The following RP1 variants were observed in gnomAD, a reference collection of about 807,000 sequenced individuals.
The protein encoded by RP1 is oxygen-regulated protein 1.
RP1 carries 16 observed loss-of-function variants against 14.8 expected under a neutral mutation model. That is an observed-to-expected ratio of 1.08 (90% confidence interval 0.73 to 1.65). The LOEUF (loss-of-function observed/expected upper bound fraction) is 1.65, where lower values mean the gene tolerates loss of function less well. RP1 is among the 40% of genes most tolerant of loss of function. RP1 has a pLI of 0.00. For missense variants in RP1, 2,631 were observed against 2,535.0 expected (o/e 1.04, Z -0.81); for synonymous variants, 876 against 883.6 (o/e 0.99, Z 0.15).
At chr8:54,653,087 A>G (rs1053169274) in intron 5 of RP1, among the ~76,000 whole-genome samples, 5 of 152,216 alleles carry the variant, frequency 3.3e-5, no homozygotes, top group African/African-American at 1.2e-4. Flanking sequence ...TTTGCAAAGA[A>G]AAAAACGCCT....
intron 22 of RP1, among the ~76,000 whole-genome samples, chr8:54,764,787 G>T (rs1809721384): frequency 6.6e-6 from 1 of 151,942 alleles, no homozygotes; most frequent in Admixed American, 6.6e-5. Flanking sequence ...AATTTAAAAG[G>T]TTTAATTGTA....
At chr8:54,631,661 C>T (rs1806248222), downstream of RP1, among the ~76,000 whole-genome samples, 1 of 150,216 alleles carries the variant, frequency 6.7e-6, no homozygotes, top group Admixed American at 6.6e-5. Flanking sequence ...AATCAATGCT[C>T]TTTTTACTAC....
intron 24 of RP1, among the ~76,000 whole-genome samples, chr8:54,836,150 G>T (rs564478926): frequency 6.6e-6 from 1 of 152,252 alleles, no homozygotes; most frequent in African/African-American, 2.4e-5. Flanking sequence ...AAAGGTAGCA[G>T]GTCTGGATAA....
At chr8:54,607,750 C>A (rs1439026649) in intron 1 of RP1, among the ~76,000 whole-genome samples, 1 of 152,178 alleles carries the variant, frequency 6.6e-6, no homozygotes, top group Non-Finnish European at 1.5e-5. Context: ...ACGGCACGGA[C>A]CCCTCCCCTA....
At chr8:54,836,917 G>T (rs534124555) in intron 24 of RP1, among the ~76,000 whole-genome samples, 3 of 152,038 alleles carry the variant, frequency 2.0e-5, no homozygotes, top group Non-Finnish European at 2.9e-5. Flanking sequence ...GCTTATTCTG[G>T]ATAATAAATA....
Position 54,626,721 on chromosome 8 carries a change from T to G in RP1, c.2839T>G (p.Cys947Gly), listed in dbSNP as rs1806064676. Residue 947 changes from cysteine to glycine, a missense_variant, in exon 4 of 4, where the codon TGT becomes GGT. By Grantham distance (159) the Cys-to-Gly change is radical (BLOSUM62 -3). Transcript: ENST00000220676. ...VCRNETSVVN[C>G]SNNSFSGNDP... The stretch of plus-strand genomic sequence containing the variant: ...TAGAAATGAAACGAGTGTGGTAAAT[T>G]GTAGCAATAATAGTTTTTCAGGGAA... The G allele has an allele frequency of 6.2e-7, 1 of 1,613,990 alleles. No homozygotes were observed.
At chr8:54,766,191 A>G (rs1809756664) in intron 22 of RP1, among the ~76,000 whole-genome samples, 4 of 152,150 alleles carry the variant, frequency 2.6e-5, no homozygotes, top group Admixed American at 2.0e-4. Context: ...CCTGTCTACA[A>G]ATGGTTTTAT....
intron 1 of RP1, among the ~76,000 whole-genome samples, chr8:54,570,088 C>T (rs963211340): frequency 1.7e-4 from 26 of 152,138 alleles, no homozygotes; most frequent in African/African-American, 3.1e-4. Flanking sequence ...GTCCACTCTG[C>T]GTGTTCCTTT....
At chr8:54,727,265 C>G (rs745394460) in intron 17 of RP1, among the ~76,000 whole-genome samples, 17 of 152,024 alleles carry the variant, frequency 1.1e-4, no homozygotes, top group Non-Finnish European at 1.9e-4. Context: ...AAGGACTAGT[C>G]TCAGTTTTTT....
At chr8:54,671,328 A>G (rs1165364752) in intron 7 of RP1, among the ~76,000 whole-genome samples, 1 of 152,020 alleles carries the variant, frequency 6.6e-6, no homozygotes, top group Non-Finnish European at 1.5e-5. Flanking sequence ...GGTTTATTTT[A>G]GTTTTAGCTC....
chr8:54,632,855 A>G (rs938463895), downstream of RP1, among the ~76,000 whole-genome samples: 1 of 152,172 alleles, frequency 6.6e-6, no homozygotes, highest in African/African-American at 2.4e-5. Context: ...TAAGGATATT[A>G]TAGAGAGCTA....
intron 6 of RP1, among the ~76,000 whole-genome samples, chr8:54,662,639 A>C (rs1806927143): frequency 6.6e-6 from 1 of 152,194 alleles, no homozygotes; most frequent in Non-Finnish European, 1.5e-5. Context: ...CTCCTGAACC[A>C]GAACTAGAGG....
intron 1 of RP1, among the ~76,000 whole-genome samples, chr8:54,604,826 A>G (rs1337709854): frequency 3.3e-5 from 5 of 152,158 alleles, no homozygotes; most frequent in Non-Finnish European, 7.3e-5. Context: ...TTATTTTCAT[A>G]TAGGTGTTTA....
intron 22 of RP1, chr8:54,759,130 CTGTGTGTG>C (rs3077333): frequency 0.03 from 22,800 of 766,078 alleles, 59 homozygotes; most frequent in East Asian, 0.084. Flanking sequence ...GTGGATGATG[CTGTGTGTG>C]TGTGTGTGTG....
chr8:54,851,102 G>A (rs1389093733), intron 25 of RP1, among the ~76,000 whole-genome samples: 4 of 152,084 alleles, frequency 2.6e-5, no homozygotes, highest in Non-Finnish European at 5.9e-5. Flanking sequence ...TACTTTTTGA[G>A]GTGCATATGT....
chr8:54,721,222 T>C (rs979070411), intron 16 of RP1, among the ~76,000 whole-genome samples: 2 of 152,236 alleles, frequency 1.3e-5, no homozygotes, highest in African/African-American at 4.8e-5. Context: ...TTGCAAACTG[T>C]TGGGCTAGTA....
chr8:54,686,082 C>CT (rs1269738661), intron 12 of RP1, among the ~76,000 whole-genome samples: 2 of 152,136 alleles, frequency 1.3e-5, no homozygotes, highest in African/African-American at 4.8e-5. Flanking sequence ...TCTTAATATG[C>CT]TAGTCTTGCC....
intron 26 of RP1, among the ~76,000 whole-genome samples, chr8:54,854,526 C>T (rs1274229996): frequency 6.6e-6 from 1 of 152,090 alleles, no homozygotes; most frequent in Non-Finnish European, 1.5e-5. Context: ...GACAATGATG[C>T]AAGAAAATCC....
At chr8:54,577,471 C>T (rs993080890) in intron 1 of RP1, among the ~76,000 whole-genome samples, 1 of 152,022 alleles carries the variant, frequency 6.6e-6, no homozygotes, top group East Asian at 1.9e-4. Flanking sequence ...AAAGAATATG[C>T]CTTCTATGTG....
Sources: gnomAD v4.1 joint callset for allele counts (sites outside exome capture counted in the v4.1 genomes callset) on GRCh38, gnomAD v4.1.1 for gene constraint, MANE v1.5 for transcripts, NCBI Gene and HGNC (gene_info 2026-07-23, HGNC 2026-07-21) for gene names.